EPG5: variants seen among roughly 807,000 people sequenced by gnomAD.
EPG5 encodes the protein ectopic P granules protein 5 homolog.
Under a neutral mutation model 302.7 loss-of-function variants are expected in EPG5, and 159 were observed. The observed-to-expected ratio is 0.53, with a 90% CI of 0.46 to 0.60. EPG5 has a LOEUF of 0.60. EPG5 is among the 20% of genes least tolerant of loss of function. The pLI is 0.00. For missense variants in EPG5, 2,896 were observed against 3,092.4 expected (o/e 0.94, Z 1.51); for synonymous variants, 1,158 against 1,136.8 (o/e 1.02, Z -0.37).
intron 10 of EPG5, among the ~76,000 whole-genome samples, chr18:45,935,525 C>T (rs1337636946): frequency 6.6e-6 from 1 of 152,092 alleles, no homozygotes; most frequent in East Asian, 1.9e-4. Flanking sequence ...CTGGGCAACA[C>T]GAGTGAAACT....
At chr18:45,869,236 T>A (rs755983093) in intron 36 of EPG5, among the ~76,000 whole-genome samples, 4 of 152,232 alleles carry the variant, frequency 2.6e-5, no homozygotes, top group Admixed American at 2.0e-4. Context: ...AAAATCATGA[T>A]CAATGGAATT....
the EPG5 span, among the ~76,000 whole-genome samples, chr18:45,836,139 G>A: frequency 1.3e-5 from 2 of 152,186 alleles, no homozygotes; most frequent in Non-Finnish European, 2.9e-5. Flanking sequence ...CCTGCCCAAG[G>A]AGCAAATTGG....
In EPG5 at chr18:45,867,708, C is replaced by T; in HGVS notation, c.6266G>A (p.Gly2089Glu). The change falls in exon 37 of 44, where the codon GGG becomes GAG. Residue 2089 changes from glycine to glutamate, a missense_variant. Gly to Glu is a moderately conservative substitution (Grantham distance 98). Coordinates refer to ENST00000282041, the MANE Select transcript of EPG5 (RefSeq NM_020964.3). Reference sequence around the variant, plus strand: ...CCAGTTGACTTCACAGAGTACAGACCCCAAAAATAAGAAACAGCTCTTGGG... The same window carrying T: ...CCAGTTGACTTCACAGAGTACAGACTCCAAAAATAAGAAACAGCTCTTGGG... The part of the protein sequence containing the change: ...GSPKSCFLFL[G>E]SVLCEVNWVS... The T allele has an allele frequency of 6.8e-6, 11 of 1,609,074 alleles. No homozygotes were observed. Among genetic ancestry groups the T allele is most frequent in the Non-Finnish European group, 9.3e-6 (11 of 1,178,426 alleles).
chr18:45,921,447 T>C (rs765797972), intron 16 of EPG5, among the ~76,000 whole-genome samples: 1 of 152,228 alleles, frequency 6.6e-6, no homozygotes, highest in African/African-American at 2.4e-5. Flanking sequence ...TGAGAAGTCA[T>C]TCATGCATTC....
chr18:45,852,435 A>G lies in EPG5; in HGVS notation c.*32T>C, dbSNP rs770445061. The G allele has an allele frequency of 9.5e-6, 15 of 1,585,990 alleles. No individual in the cohort carries two copies. Among genetic ancestry groups the G allele is most frequent in the Middle Eastern group, 1.7e-4 (1 of 5,910 alleles). On this transcript the variant is annotated 3_prime_UTR_variant, in exon 44 of 44. Transcript: ENST00000282041. ...AGCAAAGTTAAATGTAAACATAAAC[A>G]GCAATGGGTTTTTCAAGAGCCTCAG...
chr18:45,915,272 C>A (rs1346566331), intron 20 of EPG5, among the ~76,000 whole-genome samples: 2 of 151,622 alleles, frequency 1.3e-5, no homozygotes, highest in African/African-American at 4.9e-5. Context: ...GAGCAAAACT[C>A]CATCTCAAAA....
the EPG5 span, among the ~76,000 whole-genome samples, chr18:45,802,478 C>T: frequency 6.6e-6 from 1 of 152,156 alleles, no homozygotes; most frequent in African/African-American, 2.4e-5. Context: ...TGAGACCACA[C>T]CACTGCACTC....
intron 1 of EPG5, among the ~76,000 whole-genome samples, chr18:45,957,704 T>C (rs2051062201): frequency 6.6e-6 from 1 of 152,228 alleles, no homozygotes; most frequent in Non-Finnish European, 1.5e-5. Flanking sequence ...GCTTGGCCTA[T>C]ACTGTGTGTG....
the EPG5 span, chr18:45,825,386 C>T: frequency 5.2e-6 from 2 of 380,972 alleles, no homozygotes; most frequent in African/African-American, 2.0e-5. Flanking sequence ...CACATATAAA[C>T]AGCATAAAGA....
intron 20 of EPG5, among the ~76,000 whole-genome samples, chr18:45,915,080 A>G (rs1432919345): frequency 6.6e-6 from 1 of 152,124 alleles, no homozygotes; most frequent in Non-Finnish European, 1.5e-5. Flanking sequence ...GGAGTTCGAG[A>G]CCAGCCTGAC....
rs535791668 is a variant in EPG5 at position 45,903,815 on chromosome 18, C to T, written c.4474+158G>A. ...TGCAAAGTAATTACATTTACAGTTG[C>T]AATTTACACCATTGTGTAAGTCAAC... On this transcript the variant is annotated intron_variant, in intron 25 of 43. Coordinates refer to ENST00000282041, the MANE Select transcript of EPG5 (RefSeq NM_020964.3). Among the ~76,000 whole-genome samples the T allele has an allele frequency of 2.4e-3, 365 of 152,328 alleles. 1 individual carries two copies. Among genetic ancestry groups the T allele is most frequent in the Non-Finnish European group, 3.9e-3 (267 of 68,030 alleles).
At chr18:45,891,223 G>C (rs2049337770) in intron 27 of EPG5, among the ~76,000 whole-genome samples, 1 of 151,770 alleles carries the variant, frequency 6.6e-6, no homozygotes, top group Non-Finnish European at 1.5e-5. Flanking sequence ...GGGCGGCCAG[G>C]CATGGTGGCT....
intron 31 of EPG5, 128 bp from the exon 32 acceptor site, chr18:45,880,351 G>A: frequency 1.1e-6 from 1 of 895,730 alleles, no homozygotes; most frequent in Non-Finnish European, 1.6e-6. Context: ...AACTCACAGG[G>A]ATATCTGGGG....
intron 28 of EPG5, among the ~76,000 whole-genome samples, chr18:45,888,220 C>T (rs2049260699): frequency 6.6e-6 from 1 of 152,066 alleles, no homozygotes; most frequent in South Asian, 2.1e-4. Flanking sequence ...ATTCTCCTGC[C>T]TCAGCCTCCT....
chr18:45,946,337 T>C (rs2050783648), intron 7 of EPG5, among the ~76,000 whole-genome samples: 1 of 152,208 alleles, frequency 6.6e-6, no homozygotes, highest in Non-Finnish European at 1.5e-5. Context: ...AATATACATC[T>C]TATGTAATAT....
chr18:45,870,082 C>T lies in EPG5; in HGVS notation c.6225+485G>A, dbSNP rs145461500. ...TTTTTTAAGTCATTTCAGGTCTGCA[C>T]ACGATTATGATGCATCATCGGTTGT... is the stretch of plus-strand genomic sequence containing the variant. On this transcript the variant is annotated intron_variant, in intron 36 of 43. Coordinates refer to ENST00000282041, the MANE Select transcript of EPG5 (RefSeq NM_020964.3). Among the ~76,000 whole-genome samples, 1,216 of 152,270 alleles carry T rather than the reference C, an allele frequency of 8.0e-3. 11 individuals carry two copies. The highest frequency in any genetic ancestry group is 0.013 in the Non-Finnish European group (874 of 68,014).
chr18:45,930,749 G>A lies in EPG5; in HGVS notation c.2339C>T (p.Ala780Val). 1 of 1,611,866 alleles carries A rather than the reference G, an allele frequency of 6.2e-7. No homozygotes were observed. Among genetic ancestry groups the A allele is most frequent in the Non-Finnish European group, 8.5e-7 (1 of 1,179,220 alleles). ...GGTTCTTCTGGCCTGAGCCATCTGAGCAAAGGTAGTCAGAAGGCAAATCTC... is the reference window on the plus strand; with the variant it reads ...GGTTCTTCTGGCCTGAGCCATCTGAACAAAGGTAGTCAGAAGGCAAATCTC... Reference protein sequence around the residue: ...SEEICLLTTFAQMAQARRTNV... With the variant: ...SEEICLLTTFVQMAQARRTNV... The change falls in exon 12 of 44, where the codon GCT (alanine) becomes GTT (valine). Residue 780 changes from alanine to valine, a missense_variant. This residue lies in a region of EPG5 where 1,390 missense variants were observed against 1,430.0 expected (regional missense o/e 0.97). Coordinates refer to ENST00000282041, the MANE Select transcript of EPG5 (RefSeq NM_020964.3).
At chr18:45,921,824 C>T (rs1335620158) in intron 16 of EPG5, among the ~76,000 whole-genome samples, 2 of 151,720 alleles carry the variant, frequency 1.3e-5, no homozygotes, top group East Asian at 3.9e-4. Flanking sequence ...GGGTGGGGGG[C>T]TGGGTGAGGG....
intron 40 of EPG5, 129 bp downstream of exon 40, chr18:45,859,975 T>G: frequency 8.2e-7 from 1 of 1,214,860 alleles, no homozygotes; most frequent in Non-Finnish European, 1.2e-6. Flanking sequence ...TCCACAACAT[T>G]TGTAGAGCAG....
Sources: allele counts gnomAD v4.1 joint callset (sites outside exome capture counted in the v4.1 genomes callset), GRCh38; gene constraint gnomAD v4.1.1; regional missense constraint gnomAD v4.1.1; transcripts MANE v1.5; gene names NCBI Gene and HGNC (gene_info 2026-07-23, HGNC 2026-07-21).